The following CAMK2A variants were observed in gnomAD, a reference collection of about 807,000 sequenced individuals.
CAMK2A encodes calcium/calmodulin-dependent protein kinase type II subunit alpha.
Under a neutral mutation model 79.2 loss-of-function variants are expected in CAMK2A, and 7 were observed. The ratio of observed to expected loss-of-function variants is 0.09; its 90% CI spans 0.05 to 0.17. The LOEUF is 0.17. Ranked by LOEUF, CAMK2A falls within the 10% of genes least tolerant of loss-of-function variation. The pLI, the probability that CAMK2A is intolerant of heterozygous loss-of-function variation, is 1.00. For synonymous variants in CAMK2A, 242 were observed against 251.7 expected (o/e 0.96, Z 0.36); for missense variants, 214 against 646.4 (o/e 0.33, Z 7.25).
chr5:150,221,607 G>T lies in CAMK2A; in HGVS notation c.*1103C>A. The T allele has an allele frequency of 2.5e-6, 1 of 398,606 alleles. No homozygotes were observed. The highest frequency in any genetic ancestry group is 4.4e-5 in the Admixed American group (1 of 22,722). 24.7% of individuals were successfully genotyped at this position (398,606 alleles called of 1,614,324 possible). On this transcript the variant is annotated 3_prime_UTR_variant, in exon 19 of 19. Transcript: ENST00000671881. ...ACTTGCTGTTCCTGAGTCAGTGCTG[G>T]CATCTGATGCTTCCACAGTCCCAAA...
rs983223897 is a variant in CAMK2A, at chr5:150,284,968, A to G, written c.62+4596T>C. Among the ~76,000 whole-genome samples the G allele has an allele frequency of 1.9e-5, 2 of 103,014 alleles. No homozygotes were observed. Among genetic ancestry groups the G allele is most frequent in the African/African-American group, 1.1e-4 (2 of 18,612 alleles). The allele number at this position is 103,014 out of a possible 152,430, so 67.6% of individuals were successfully genotyped here. On this transcript the variant is annotated intron_variant, in intron 1 of 18. Transcript: ENST00000671881. This position sits in a 1 kb window ranked among gnomAD's most constrained non-coding sequence, Gnocchi z 5.3. ...TGCAGGCATCTCCAGAGGTATTATGATCCCCATTTTACAGATGGTAAAGCC... is the reference window on the plus strand; with the variant it reads ...TGCAGGCATCTCCAGAGGTATTATGGTCCCCATTTTACAGATGGTAAAGCC...
At chr5:150,250,649 G>A (rs1184547864) in intron 10 of CAMK2A, 39 bp downstream of exon 10, 4 of 1,612,430 alleles carry the variant, frequency 2.5e-6, no homozygotes, top group African/African-American at 2.7e-5. Flanking sequence ...ATGAGGTCTG[G>A]AGGGGCTCCT....
At chr5:150,230,481 C>T (rs1754795099) in intron 16 of CAMK2A, among the ~76,000 whole-genome samples, 1 of 152,208 alleles carries the variant, frequency 6.6e-6, no homozygotes, top group Non-Finnish European at 1.5e-5. Flanking sequence ...ACCCAACAGG[C>T]AAAAATAACT....
chr5:150,235,142 C>T (rs1273153743), intron 15 of CAMK2A, among the ~76,000 whole-genome samples: 2 of 152,174 alleles, frequency 1.3e-5, no homozygotes, highest in African/African-American at 4.8e-5. Flanking sequence ...GGATATTATA[C>T]CTCTATTAAT....
At chr5:150,231,751 A>G (rs569161384) in intron 15 of CAMK2A, among the ~76,000 whole-genome samples, 1 of 152,186 alleles carries the variant, frequency 6.6e-6, no homozygotes, top group Non-Finnish European at 1.5e-5. Flanking sequence ...TGGCTCCCAA[A>G]TACTTATTCC....
intron 13 of CAMK2A, 41 bp downstream of exon 13, chr5:150,245,120 C>T (rs747675919): frequency 1.2e-6 from 2 of 1,606,532 alleles, no homozygotes; most frequent in Non-Finnish European, 8.5e-7. Flanking sequence ...GGCAGAAACG[C>T]TGCCAGAGCC....
In CAMK2A at chr5:150,271,156, A is replaced by G. The variant is rs553773873; in HGVS notation, c.157+1909T>C. On this transcript the variant is annotated intron_variant, in intron 2 of 18. Coordinates refer to ENST00000671881, the MANE Select transcript of CAMK2A (RefSeq NM_015981.4). ...TGCTGCTAGTCACACAGCAATGGCA[A>G]GGCCAATCCAGGCATCTGGCCATGA... 1.2e-4 allele frequency among the ~76,000 whole-genome samples: 18 copies of G among 152,368 alleles called. No homozygotes were observed. In the East Asian group the frequency reaches 1.9e-3, roughly 16 times the overall value.
chr5:150,243,241 C>T (rs1273057912), intron 13 of CAMK2A, among the ~76,000 whole-genome samples: 1 of 152,198 alleles, frequency 6.6e-6, no homozygotes, highest in Non-Finnish European at 1.5e-5. Flanking sequence ...GCTTCTCTCT[C>T]TACTTCCTTC....
rs769175743 is a variant in CAMK2A, at chr5:150,252,093, C to A, written c.515-28G>T. 1.1e-4 allele frequency: 177 copies of A among 1,544,936 alleles called. 1 individual carries two copies. Among genetic ancestry groups the A allele is most frequent in the Middle Eastern group, 8.5e-4 (5 of 5,902 alleles). On this transcript the variant is annotated intron_variant, in intron 7 of 18. Transcript: ENST00000671881. Reference sequence around the variant, plus strand: ...GCTCCCAGACACACAGACAGGCAGACACATACACAGAGGTTGTCTCGTAAG... The same window carrying A: ...GCTCCCAGACACACAGACAGGCAGAAACATACACAGAGGTTGTCTCGTAAG...
At chr5:150,251,896 G>C (rs1276829743) in intron 8 of CAMK2A, 52 bp from the exon 9 acceptor site, 26 of 1,549,082 alleles carry the variant, frequency 1.7e-5, no homozygotes, top group Non-Finnish European at 2.0e-5. Flanking sequence ...GAGACATGGG[G>C]GGAGGGGAGT....
chr5:150,249,544 C>CT (rs1181111917), intron 11 of CAMK2A, among the ~76,000 whole-genome samples: 7 of 127,368 alleles, frequency 5.5e-5, no homozygotes, highest in South Asian at 2.6e-4. Flanking sequence ...CGTTCCCATT[C>CT]TTTTTTTTGT....
At chr5:150,231,256 C>A in intron 16 of CAMK2A, 49 bp downstream of exon 16, 1 of 1,162,034 alleles carries the variant, frequency 8.6e-7, no homozygotes, top group Non-Finnish European at 1.2e-6. Flanking sequence ...TTGGTACCCC[C>A]TGAACAACAA....
Position 150,228,276 on chromosome 5 carries a change from C to T in CAMK2A, c.1153G>A (p.Asp385Asn). ...GGTTCGAAGGCTGTCATGCCAGGGTCGCACATCTTCCTGGGGGAAAGAAGC... is the reference window on the plus strand; with the variant it reads ...GGTTCGAAGGCTGTCATGCCAGGGTTGCACATCTTCCTGGGGGAAAGAAGC... ...GDFESYTKMC[D>N]PGMTAFEPEA... The change falls in exon 17 of 19, where the codon GAC (aspartate) becomes AAC (asparagine). Residue 385 changes from aspartate to asparagine, a missense_variant. Transcript: ENST00000671881. 3 of 1,613,616 alleles carry T rather than the reference C, an allele frequency of 1.9e-6. No individual in the cohort carries two copies. The highest frequency in any genetic ancestry group is 2.5e-6 in the Non-Finnish European group (3 of 1,179,756).
intron 12 of CAMK2A, among the ~76,000 whole-genome samples, chr5:150,246,584 C>T (rs879582045): frequency 3.9e-5 from 6 of 152,150 alleles, no homozygotes; most frequent in Middle Eastern, 3.2e-3. Flanking sequence ...GCTCACAGGC[C>T]GCCATTTTGT....
intron 15 of CAMK2A, 26 bp from the exon 16 acceptor site, chr5:150,231,406 A>G (rs1360287506): frequency 1.9e-4 from 4 of 21,220 alleles, no homozygotes; most frequent in Non-Finnish European, 3.1e-4. Flanking sequence ...GGACACAGAA[A>G]TAATAATAAT....
chr5:150,268,876 C>G (rs1262017063), intron 2 of CAMK2A, among the ~76,000 whole-genome samples: 1 of 152,158 alleles, frequency 6.6e-6, no homozygotes, highest in East Asian at 1.9e-4. Context: ...TCTCCCTTCT[C>G]TGCCTCCCTC....
At chr5:150,247,155 G>C (rs2114057665) in intron 12 of CAMK2A, among the ~76,000 whole-genome samples, 3 of 152,384 alleles carry the variant, frequency 2.0e-5, no homozygotes, top group Admixed American at 2.0e-4. Context: ...CCAAGGGCCT[G>C]GGACGCTCCT....
chr5:150,238,565 T>C (rs1228361232), intron 15 of CAMK2A, 135 bp downstream of exon 15: 1 of 874,492 alleles, frequency 1.1e-6, no homozygotes, highest in East Asian at 2.7e-5. Context: ...GCCCAGTTTA[T>C]AAGGCACCAG....
chr5:150,224,708 A>C (rs1356749525), intron 17 of CAMK2A, among the ~76,000 whole-genome samples: 2 of 152,080 alleles, frequency 1.3e-5, no homozygotes, highest in Admixed American at 6.5e-5. Context: ...CGAACTATAG[A>C]ATCTGAGAAG....
Sources: gnomAD v4.1 joint callset for allele counts (sites outside exome capture counted in the v4.1 genomes callset) on GRCh38, gnomAD v4.1.1 for gene constraint, Gnocchi (gnomAD v3.1) non-coding constraint, MANE v1.5 for transcripts, NCBI Gene and HGNC (gene_info 2026-07-23, HGNC 2026-07-21) for gene names.